Variants in PRKN observed in about 807,000 individuals in gnomAD.
The protein encoded by PRKN is E3 ubiquitin-protein ligase parkin.
Under a neutral mutation model 59.5 loss-of-function variants are expected in PRKN, and 56 were observed. The observed-to-expected ratio is 0.94, with a 90% CI of 0.76 to 1.18. PRKN has a LOEUF of 1.18. Ranked by LOEUF, PRKN falls within the 50% of genes most tolerant of loss-of-function variation. The probability of loss-of-function intolerance (pLI) is 0.00; values close to 1 mark genes in which losing one functional copy is unlikely to be tolerated. For missense variants in PRKN, 657 were observed against 596.4 expected, an observed-to-expected ratio of 1.10 and a Z score of -1.06; for synonymous variants, 250 against 222.1, an observed-to-expected ratio of 1.13 and a Z score of -1.12.
chr6:162,358,644 A>G (rs772312710), intron 2 of PRKN, among the ~76,000 whole-genome samples: 9 of 152,278 alleles, frequency 5.9e-5, no homozygotes, highest in Non-Finnish European at 1.3e-4. Flanking sequence ...AAGATCATTA[A>G]AAACTCTTGA....
chr6:161,862,958 T>A (rs1793967307), intron 6 of PRKN, among the ~76,000 whole-genome samples: 1 of 152,188 alleles, frequency 6.6e-6, no homozygotes, highest in Non-Finnish European at 1.5e-5. Context: ...GACAATCAGA[T>A]CTTCTCAAAT....
intron 1 of PRKN, among the ~76,000 whole-genome samples, chr6:162,691,796 C>T (rs1043332778): frequency 6.6e-6 from 1 of 152,134 alleles, no homozygotes; most frequent in African/African-American, 2.4e-5. Context: ...CTAGAGTCAA[C>T]ATGATTCATT....
At chr6:162,643,410 A>AAAAG (rs1177090115) in intron 1 of PRKN, among the ~76,000 whole-genome samples, 18 of 150,550 alleles carry the variant, frequency 1.2e-4, no homozygotes, top group African/African-American at 4.1e-4. Flanking sequence ...AAAAAAAAAA[A>AAAAG]AAAAAGAAAG....
rs1164600188 is a variant in PRKN at position 161,480,308 on chromosome 6, A to T, written c.1083+68546T>A. 6.7e-6 allele frequency among the ~76,000 whole-genome samples: 1 copy of T among 149,736 alleles called. No individual in the cohort carries two copies. Among genetic ancestry groups the T allele is most frequent in the African/African-American group, 2.5e-5 (1 of 40,178 alleles). ...TCAAACTCTGGGGGGCCCTGTGAGT[A>T]TGGGGCCCTGTGAGTATGGGGCCCT... is the stretch of plus-strand genomic sequence containing the variant. On this transcript the variant is annotated intron_variant, in intron 9 of 11. Coordinates refer to ENST00000366898, the MANE Select transcript of PRKN (RefSeq NM_004562.3). This position sits in a 1 kb window ranked among gnomAD's most constrained non-coding sequence, Gnocchi z 4.1.
At chr6:161,750,104 T>TAC (rs1562654167) in intron 7 of PRKN, among the ~76,000 whole-genome samples, 3 of 97,778 alleles carry the variant, frequency 3.1e-5, no homozygotes, top group African/African-American at 1.2e-4. Context: ...AGGACATATA[T>TAC]ATATATATAT....
chr6:162,546,013 A>G (rs1299317163), intron 1 of PRKN, among the ~76,000 whole-genome samples: 1 of 152,160 alleles, frequency 6.6e-6, no homozygotes, highest in African/African-American at 2.4e-5. Context: ...GGCACACAAG[A>G]AGCAATGGTT....
In PRKN at chr6:162,687,079, G is replaced by T. The variant is rs577908559; in HGVS notation, c.7+40583C>A. Among the ~76,000 whole-genome samples the T allele has an allele frequency of 3.5e-3, 529 of 151,880 alleles. 3 individuals are homozygous for T. Among genetic ancestry groups the T allele is most frequent in the African/African-American group, 8.8e-3 (366 of 41,444 alleles). The stretch of plus-strand genomic sequence containing the variant: ...TCTAATTCTGTGAAAAATGATGTTG[G>T]TATTTTGATAGGAATTGCATTGAAT... On this transcript the variant is annotated intron_variant, in intron 1 of 11. Coordinates refer to ENST00000366898, the MANE Select transcript of PRKN (RefSeq NM_004562.3).
intron 2 of PRKN, among the ~76,000 whole-genome samples, chr6:162,369,482 C>A (rs180853403): frequency 2.6e-4 from 40 of 152,294 alleles, no homozygotes; most frequent in African/African-American, 7.7e-4. Context: ...ATATTTAGAT[C>A]ATTAGCCAAT....
intron 4 of PRKN, among the ~76,000 whole-genome samples, chr6:162,143,544 T>G (rs1781877896): frequency 6.6e-6 from 1 of 152,196 alleles, no homozygotes; most frequent in African/African-American, 2.4e-5. Flanking sequence ...TTAAAATCAC[T>G]GGAATTTTTG....
chr6:161,925,789 A>AAAAC (rs980661221), intron 6 of PRKN, among the ~76,000 whole-genome samples: 5 of 152,200 alleles, frequency 3.3e-5, no homozygotes, highest in South Asian at 4.1e-4. Flanking sequence ...CAATGGGGAT[A>AAAAC]AAACAAACAA....
Position 162,476,840 on chromosome 6 carries a change from C to T in PRKN, c.8-33367G>A, listed in dbSNP as rs1029997742. ...CCTGAACACCTAGAGTTCTCCTCAT[C>T]GTGTACATAAGCAAAGGGAAGGGAG... On this transcript the variant is annotated intron_variant, in intron 1 of 11. Coordinates refer to ENST00000366898, the MANE Select transcript of PRKN (RefSeq NM_004562.3). Among the ~76,000 whole-genome samples, 9 of 152,282 alleles carry T rather than the reference C, an allele frequency of 5.9e-5. No individual in the cohort carries two copies. The East Asian group carries it at 9.7e-4, about 16-fold the overall frequency.
At chr6:162,038,755 G>A in intron 5 of PRKN, among the ~76,000 whole-genome samples, 1 of 152,174 alleles carries the variant, frequency 6.6e-6, no homozygotes, top group East Asian at 1.9e-4. Flanking sequence ...TATAACCTCA[G>A]GTAGACATGA....
intron 7 of PRKN, among the ~76,000 whole-genome samples, chr6:161,741,446 G>GA (rs1374508288): frequency 1.3e-5 from 2 of 152,190 alleles, no homozygotes; most frequent in Non-Finnish European, 2.9e-5. Flanking sequence ...ACCGGACGGG[G>GA]AATCCGAGGA....
intron 3 of PRKN, among the ~76,000 whole-genome samples, chr6:162,214,210 T>C (rs1035637086): frequency 6.6e-6 from 1 of 152,078 alleles, no homozygotes; most frequent in African/African-American, 2.4e-5. Context: ...AGTTTAGAGG[T>C]GGGGCCAATT....
chr6:161,604,729 G>T (rs1032665195), intron 7 of PRKN, among the ~76,000 whole-genome samples: 1 of 152,156 alleles, frequency 6.6e-6, no homozygotes, highest in African/African-American at 2.4e-5. Context: ...GAGAACAGGA[G>T]TTCGAGACCA....
intron 7 of PRKN, among the ~76,000 whole-genome samples, chr6:161,621,847 C>T (rs922969889): frequency 6.6e-6 from 1 of 152,144 alleles, no homozygotes; most frequent in Non-Finnish European, 1.5e-5. Context: ...ACAACATAGG[C>T]CACCCACACT....
intron 6 of PRKN, among the ~76,000 whole-genome samples, chr6:161,833,440 G>A (rs1208531465): frequency 2.0e-5 from 3 of 152,190 alleles, no homozygotes; most frequent in Non-Finnish European, 2.9e-5. Flanking sequence ...CTAGAAAAAC[G>A]CAAAAGAAAA....
At chr6:161,528,132 C>T (rs1386025447) in intron 9 of PRKN, among the ~76,000 whole-genome samples, 1 of 152,002 alleles carries the variant, frequency 6.6e-6, no homozygotes, top group African/African-American at 2.4e-5. Flanking sequence ...TAAAGTAATC[C>T]TCAGGGGAAA....
intron 7 of PRKN, among the ~76,000 whole-genome samples, chr6:161,774,696 C>A (rs1165183758): frequency 6.6e-6 from 1 of 152,194 alleles, no homozygotes; most frequent in Admixed American, 6.5e-5. Flanking sequence ...CCAACCCACA[C>A]TGGACCATGA....
Sources: gnomAD v4.1 joint callset for allele counts (sites outside exome capture counted in the v4.1 genomes callset) on GRCh38, gnomAD v4.1.1 for gene constraint, Gnocchi (gnomAD v3.1) non-coding constraint, MANE v1.5 for transcripts, NCBI Gene and HGNC (gene_info 2026-07-23, HGNC 2026-07-21) for gene names.